VIPR2: variants seen among roughly 807,000 people sequenced by gnomAD.
VIPR2 encodes the protein vasoactive intestinal polypeptide receptor 2.
A neutral mutation model predicts 58.0 loss-of-function variants in VIPR2; 48 were observed. The observed-to-expected ratio is 0.83, with a 90% CI of 0.66 to 1.05. VIPR2 has a LOEUF of 1.05. Ranked by LOEUF, VIPR2 falls within the 50% of genes least tolerant of loss-of-function variation. The pLI, the probability that VIPR2 is intolerant of heterozygous loss-of-function variation, is 0.00. For missense variants in VIPR2, 534 were observed against 558.0 expected (o/e 0.96, Z 0.43); for synonymous variants, 243 against 235.2 (o/e 1.03, Z -0.30).
chr7:159,067,823 A>G (rs1856174351), intron 4 of VIPR2, among the ~76,000 whole-genome samples: 1 of 152,258 alleles, frequency 6.6e-6, no homozygotes, highest in Admixed American at 6.5e-5. Flanking sequence ...GAGAAGGGTG[A>G]AAGATAATCT....
intron 8 of VIPR2, among the ~76,000 whole-genome samples, chr7:159,034,991 A>G (rs1182903598): frequency 6.6e-6 from 1 of 152,142 alleles, no homozygotes; most frequent in Non-Finnish European, 1.5e-5. Flanking sequence ...CCTGAAAATT[A>G]GCTTCCCCTC....
At chr7:159,075,655 GGACC>G (rs1195895556) in intron 4 of VIPR2, among the ~76,000 whole-genome samples, 1 of 151,198 alleles carries the variant, frequency 6.6e-6, no homozygotes, top group African/African-American at 2.4e-5. Context: ...CAGCACCCAA[GGACC>G]TGCCACATCA....
Position 159,116,394 on chromosome 7 carries a change from G to GGCATGGTCAGTGCCC in VIPR2, c.152-6490_152-6476dup, listed in dbSNP as rs564760932. Among the ~76,000 whole-genome samples, 547 of 152,280 alleles carry GGCATGGTCAGTGCCC rather than the reference G, an allele frequency of 3.6e-3. 3 individuals carry two copies. Among genetic ancestry groups the GGCATGGTCAGTGCCC allele is most frequent in the African/African-American group, 0.012 (510 of 41,532 alleles). On this transcript the variant is annotated intron_variant, in intron 2 of 12. Coordinates refer to ENST00000262178, the MANE Select transcript of VIPR2 (RefSeq NM_003382.5). ...GAGGGCACTGCAGTGGGTTGGCACCGGCATGGTCAGTGCCCGCATGGTCAG... is the reference window on the plus strand; with the variant it reads ...GAGGGCACTGCAGTGGGTTGGCACCGGCATGGTCAGTGCCCGCATGGTCAGTGCCCGCATGGTCAG...
At chr7:159,057,903 T>C (rs770829501) in intron 5 of VIPR2, among the ~76,000 whole-genome samples, 10 of 152,202 alleles carry the variant, frequency 6.6e-5, no homozygotes, top group Non-Finnish European at 1.2e-4. Context: ...GTGGGCAGCA[T>C]TTAATAAGCC....
At chr7:159,085,813 G>A (rs551430434) in intron 4 of VIPR2, among the ~76,000 whole-genome samples, 10 of 152,284 alleles carry the variant, frequency 6.6e-5, no homozygotes, top group African/African-American at 2.2e-4. Flanking sequence ...GCAGGACTAT[G>A]GAGCCAGGGC....
chr7:159,133,318 C>T (rs1421562940), intron 2 of VIPR2, among the ~76,000 whole-genome samples: 1 of 152,302 alleles, frequency 6.6e-6, no homozygotes, highest in East Asian at 1.9e-4. Context: ...ATAAAGCTGA[C>T]CCCGGACAAC....
rs1398269479 is a variant in VIPR2, at chr7:159,036,751, CCCCATCCGAT to C, written c.739_748del (p.Ile247AlafsTer17). The stretch of plus-strand genomic sequence containing the variant: ...TTGTGGGTGGGAAGGGGCACACTTA[CCCCATCCGAT>C]CAGGAGGTAGGCCAGGAAGCACCTT... On this transcript the variant is annotated frameshift_variant and splice_region_variant, in exon 7 of 13. Coordinates refer to ENST00000262178, the MANE Select transcript of VIPR2 (RefSeq NM_003382.5). LOFTEE classifies it high-confidence loss of function. 1.2e-6 allele frequency: 2 copies of C among 1,612,286 alleles called. No homozygotes were observed. The highest frequency in any genetic ancestry group is 1.7e-6 in the Non-Finnish European group (2 of 1,179,170).
intron 3 of VIPR2, among the ~76,000 whole-genome samples, chr7:159,106,259 G>C (rs1858642235): frequency 6.6e-6 from 1 of 152,266 alleles, no homozygotes; most frequent in Non-Finnish European, 1.5e-5. Flanking sequence ...CACAAACTAA[G>C]TCAGAAAGTC....
At chr7:159,061,261 G>C (rs1057198603) in intron 4 of VIPR2, among the ~76,000 whole-genome samples, 14 of 151,738 alleles carry the variant, frequency 9.2e-5, no homozygotes, top group African/African-American at 3.4e-4. Context: ...CTGGGTGGCG[G>C]GATCAGTCAG....
At position 159,142,434 on chromosome 7, in the gene VIPR2, C is replaced by A; in HGVS notation, c.151+12G>T. On this transcript the variant is annotated intron_variant, in intron 2 of 12. Transcript: ENST00000262178. Reference sequence around the variant, plus strand: ...GTCACGGGAGTTCTTACTCACCAAGCCTCTGCCTTACCTTTGTGTTTTTCT... The same window carrying A: ...GTCACGGGAGTTCTTACTCACCAAGACTCTGCCTTACCTTTGTGTTTTTCT... The A allele has an allele frequency of 1.2e-6, 2 of 1,609,514 alleles. No homozygotes were observed. The highest frequency in any genetic ancestry group is 1.7e-6 in the Non-Finnish European group (2 of 1,176,350).
chr7:159,092,860 G>A (rs973243945), intron 4 of VIPR2, among the ~76,000 whole-genome samples: 1 of 152,060 alleles, frequency 6.6e-6, no homozygotes, highest in African/African-American at 2.4e-5. Context: ...TGGGCCTTGG[G>A]TGTCTCATGG....
At chr7:159,073,576 C>T (rs1000086988) in intron 4 of VIPR2, among the ~76,000 whole-genome samples, 1 of 152,124 alleles carries the variant, frequency 6.6e-6, no homozygotes, top group Non-Finnish European at 1.5e-5. Flanking sequence ...TGCCACCCCA[C>T]CTGGCTAATT....
chr7:159,033,570 A>G (rs1489876167), intron 10 of VIPR2, among the ~76,000 whole-genome samples: 1 of 152,142 alleles, frequency 6.6e-6, no homozygotes, highest in Non-Finnish European at 1.5e-5. Flanking sequence ...AATTAGCTGG[A>G]TGACTGGGGG....
chr7:159,058,335 ACAT>A (rs2129493996), intron 5 of VIPR2, 143 bp downstream of exon 5: 1 of 671,396 alleles, frequency 1.5e-6, no homozygotes, highest in South Asian at 1.7e-5. Flanking sequence ...GTAAATGTTA[ACAT>A]CATATTTAAT....
chr7:159,112,541 G>A (rs1796055609), intron 2 of VIPR2, among the ~76,000 whole-genome samples: 1 of 152,054 alleles, frequency 6.6e-6, no homozygotes, highest in African/African-American at 2.4e-5. Flanking sequence ...GCAGACAGAA[G>A]CAACTGTGTT....
At chr7:159,044,590 C>CA (rs59565673) in intron 5 of VIPR2, among the ~76,000 whole-genome samples, 1,905 of 142,264 alleles carry the variant, frequency 0.013, 37 homozygotes, top group African/African-American at 0.046. Flanking sequence ...TTAAAGAGTG[C>CA]AAAAAAAAAA....
intron 10 of VIPR2, 89 bp from the exon 11 acceptor site, chr7:159,032,156 G>A: frequency 6.5e-7 from 1 of 1,546,128 alleles, no homozygotes; most frequent in Non-Finnish European, 8.7e-7. Context: ...GGGGCAGCTG[G>A]GTGTGGGAGG....
chr7:159,063,190 G>A (rs773516983), intron 4 of VIPR2, among the ~76,000 whole-genome samples: 4 of 152,142 alleles, frequency 2.6e-5, no homozygotes, highest in Non-Finnish European at 4.4e-5. Context: ...AGCAGGGGGC[G>A]GCACTTGTAA....
At position 159,092,655 on chromosome 7, in the gene VIPR2, T is replaced by C. The variant is rs1014917796; in HGVS notation, c.357+11102A>G. Among the ~76,000 whole-genome samples, 62 of 148,712 alleles carry C rather than the reference T, an allele frequency of 4.2e-4. No individual in the cohort carries two copies. The East Asian group carries it at 7.7e-3, about 18-fold the overall frequency. On this transcript the variant is annotated intron_variant, in intron 4 of 12. Transcript: ENST00000262178. ...AGGCTGTTTTCTTTTCTTTTCTTTT[T>C]TTTTTTTTTTTTTGAGACTGAGTCT... is the stretch of plus-strand genomic sequence containing the variant.
Sources: allele counts gnomAD v4.1 joint callset (sites outside exome capture counted in the v4.1 genomes callset), GRCh38; gene constraint gnomAD v4.1.1; transcripts MANE v1.5; gene names NCBI Gene and HGNC (gene_info 2026-07-23, HGNC 2026-07-21).